ASH1L: variants seen among roughly 807,000 people sequenced by gnomAD.
ASH1L encodes ASH1 like histone lysine methyltransferase.
A neutral mutation model predicts 269.0 loss-of-function variants in ASH1L; 23 were observed. That is an observed-to-expected ratio of 0.09 (90% CI 0.06 to 0.12). The LOEUF (loss-of-function observed/expected upper bound fraction) is 0.12, where lower values mean the gene tolerates loss of function less well. Ranked by LOEUF, ASH1L falls within the 10% of genes least tolerant of loss-of-function variation. The pLI, the probability that ASH1L is intolerant of heterozygous loss-of-function variation, is 1.00. For missense variants in ASH1L, 2,912 were observed against 3,567.8 expected (o/e 0.82, Z 4.68); for synonymous variants, 1,187 against 1,253.5 (o/e 0.95, Z 1.12).
rs1558229612 is a variant in ASH1L at position 155,562,433 on chromosome 1, C to A, written c.-380G>T. The A allele has an allele frequency of 2.0e-6, 3 of 1,468,994 alleles. No individual in the cohort carries two copies. In the South Asian group the frequency reaches 3.6e-5, roughly 18 times the overall value. 91.0% of individuals were successfully genotyped at this position (1,468,994 alleles called of 1,614,324 possible). A position where few individuals can be genotyped will look rare whatever the true frequency, so the allele number is the denominator to read the frequency against. On this transcript the variant is annotated 5_prime_UTR_variant, in exon 1 of 28. Coordinates refer to ENST00000392403, the MANE Select transcript of ASH1L (RefSeq NM_018489.3). ...CCCAAAATGGCGGCGGGAGCGGCGG[C>A]GGCGGCGGCGGCAGCAGCAGAGTGG...
chr1:155,433,459 T>C, intron 5 of ASH1L: 2 of 1,610,564 alleles, frequency 1.2e-6, no homozygotes, highest in Non-Finnish European at 1.7e-6. Flanking sequence ...TGGAGACCTC[T>C]CAGCCTGAGG....
intron 2 of ASH1L, among the ~76,000 whole-genome samples, chr1:155,494,263 G>A (rs953345439): frequency 1.2e-4 from 19 of 152,230 alleles, no homozygotes; most frequent in Non-Finnish European, 2.5e-4. Flanking sequence ...GAGCTTGTCT[G>A]TTTAAAGAAC....
chr1:155,535,356 C>A (rs922114099), intron 1 of ASH1L, among the ~76,000 whole-genome samples: 2 of 151,966 alleles, frequency 1.3e-5, no homozygotes, highest in Non-Finnish European at 2.9e-5. Context: ...CAGCCTCCCG[C>A]GCAGCTAACA....
chr1:155,493,001 A>G (rs1409679746), intron 2 of ASH1L, among the ~76,000 whole-genome samples: 1 of 151,890 alleles, frequency 6.6e-6, no homozygotes, highest in Non-Finnish European at 1.5e-5. Flanking sequence ...TTTTTTCTAG[A>G]GATAAGACAC....
At chr1:155,370,437 C>A in intron 12 of ASH1L, 67 bp downstream of exon 12, 2 of 1,594,830 alleles carry the variant, frequency 1.3e-6, no homozygotes, top group Non-Finnish European at 1.7e-6. Context: ...CTGGAAAGAT[C>A]AATCCCTTGC....
chr1:155,348,884 TAAAAAA>T (rs66853194), intron 19 of ASH1L, among the ~76,000 whole-genome samples: 1 of 91,870 alleles, frequency 1.1e-5, no homozygotes, highest in African/African-American at 4.0e-5. Flanking sequence ...CTGTCTCATT[TAAAAAA>T]AAAAAAAAAA....
rs564823511 is a variant in ASH1L at position 155,562,373 on chromosome 1, C to G, written c.-320G>C. ...AACTGAGGGGAGGCGGGTCCCGCAA[C>G]CGAGACTGGGATCGTCTCCCCTCCG... On this transcript the variant is annotated 5_prime_UTR_variant, in exon 1 of 28. Coordinates refer to ENST00000392403, the MANE Select transcript of ASH1L (RefSeq NM_018489.3). 2 of 1,514,576 alleles carry G rather than the reference C, an allele frequency of 1.3e-6. No homozygotes were observed. The highest frequency in any genetic ancestry group is 3.9e-5 in the Admixed American group (2 of 51,630). 93.8% of individuals were successfully genotyped at this position (1,514,576 alleles called of 1,614,324 possible). A position where few individuals can be genotyped will look rare whatever the true frequency, so the allele number is the denominator to read the frequency against.
At chr1:155,354,693 T>C (rs902039472) in intron 15 of ASH1L, 63 bp from the exon 16 acceptor site, 13 of 1,502,980 alleles carry the variant, frequency 8.6e-6, no homozygotes, top group African/African-American at 4.2e-5. Flanking sequence ...ATTACATGTC[T>C]ACTCTATGGA....
At chr1:155,559,651 CTT>C (rs547910741) in intron 1 of ASH1L, among the ~76,000 whole-genome samples, 25 of 152,050 alleles carry the variant, frequency 1.6e-4, no homozygotes, top group Non-Finnish European at 3.4e-4. Flanking sequence ...GCAAAAATCT[CTT>C]TGCAATTGGG....
chr1:155,367,408 T>G (rs1171267817), intron 12 of ASH1L, among the ~76,000 whole-genome samples: 1 of 152,206 alleles, frequency 6.6e-6, no homozygotes. Context: ...TAAATTCACT[T>G]ATGTCTGTAG....
chr1:155,352,572 A>T, intron 17 of ASH1L, 134 bp downstream of exon 17: 1 of 875,252 alleles, frequency 1.1e-6, no homozygotes, highest in Non-Finnish European at 1.6e-6. Context: ...TGGGAGGCCT[A>T]GACAGAAGGA....
At chr1:155,378,182 G>GA (rs1656630676) in intron 10 of ASH1L, 99 bp downstream of exon 10, 6 of 868,622 alleles carry the variant, frequency 6.9e-6, no homozygotes, top group Non-Finnish European at 1.1e-5. Context: ...GCAACTTCTT[G>GA]AAAAAAATCA....
In ASH1L at chr1:155,433,656, C is replaced by A. The variant is rs534473834; in HGVS notation, c.5828+4671G>T. ...AAGCTCCTGAAGCAGAAGAGGATCA[C>A]CCTGGGATATACACAGGCCGATGTG... On this transcript the variant is annotated intron_variant, in intron 5 of 27. Coordinates refer to ENST00000392403, the MANE Select transcript of ASH1L (RefSeq NM_018489.3). 1,027 of 1,604,590 alleles carry A rather than the reference C, an allele frequency of 6.4e-4. 8 individuals carry two copies. In the African/African-American group the frequency reaches 0.012, roughly 19 times the overall value.
chr1:155,519,630 G>A (rs1047954101), intron 2 of ASH1L, among the ~76,000 whole-genome samples: 6 of 152,094 alleles, frequency 3.9e-5, no homozygotes, highest in Non-Finnish European at 7.4e-5. Context: ...AGCTAGGATA[G>A]GCAAATTTAT....
chr1:155,496,965 C>T (rs914186006), intron 2 of ASH1L, among the ~76,000 whole-genome samples: 2 of 152,170 alleles, frequency 1.3e-5, no homozygotes, highest in African/African-American at 2.4e-5. Flanking sequence ...ATTTTCTATT[C>T]GGCGTCAGTG....
Position 155,407,385 on chromosome 1 carries a change from A to G in ASH1L, c.6008+8359T>C, listed in dbSNP as rs566537587. On this transcript the variant is annotated intron_variant, in intron 6 of 27. Coordinates refer to ENST00000392403, the MANE Select transcript of ASH1L (RefSeq NM_018489.3). ...AGCAGAATTTAGCAATATTTACAAT[A>G]TTATATATACAATTACTATTTAACC... Among the ~76,000 whole-genome samples the G allele has an allele frequency of 2.6e-5, 4 of 152,310 alleles. No homozygotes were observed. The South Asian group carries it at 6.2e-4, about 24-fold the overall frequency.
chr1:155,481,002 C>T lies in ASH1L; in HGVS notation c.1868G>A (p.Ser623Asn), dbSNP rs1403546521. The T allele has an allele frequency of 1.9e-6, 3 of 1,613,910 alleles. No individual in the cohort carries two copies. Among genetic ancestry groups the T allele is most frequent in the African/African-American group, 2.7e-5 (2 of 74,904 alleles). ...VGHRSVGHSI[S>N]IECKGIDKEV... Reference sequence around the variant, plus strand: ...TTTATCAATCCCTTTACATTCAATACTTATACTATGACCAACTGACCTATG... The same window carrying T: ...TTTATCAATCCCTTTACATTCAATATTTATACTATGACCAACTGACCTATG... Residue 623 changes from serine (S) to asparagine (N), a missense_variant, in exon 3 of 28, where the codon AGT becomes AAT. This residue lies in a region of ASH1L where 715 missense variants were observed against 721.0 expected (regional missense o/e 0.99). Transcript: ENST00000392403.
intron 10 of ASH1L, among the ~76,000 whole-genome samples, chr1:155,377,873 A>T (rs1175927819): frequency 6.6e-6 from 1 of 152,012 alleles, no homozygotes; most frequent in Non-Finnish European, 1.5e-5. Flanking sequence ...TACAAAAAAA[A>T]TTAGCTGGGT....
chr1:155,397,765 T>C (rs1658487407), intron 6 of ASH1L, among the ~76,000 whole-genome samples: 1 of 152,152 alleles, frequency 6.6e-6, no homozygotes, highest in Admixed American at 6.6e-5. Flanking sequence ...TTTTATCACA[T>C]TGGCCAGGCT....
Sources: gnomAD v4.1 joint callset for allele counts (sites outside exome capture counted in the v4.1 genomes callset) on GRCh38, gnomAD v4.1.1 for gene constraint, gnomAD v4.1.1 regional missense constraint, MANE v1.5 for transcripts, NCBI Gene and HGNC (gene_info 2026-07-23, HGNC 2026-07-21) for gene names.